The following TARBP1 variants were observed in gnomAD, a reference collection of about 807,000 sequenced individuals.
TARBP1 encodes the protein tRNA guanosine 2 -O-methyltransferase TARBP1.
Under a neutral mutation model 178.6 loss-of-function variants are expected in TARBP1, and 144 were observed. The ratio of observed to expected loss-of-function variants is 0.81; its 90% CI spans 0.70 to 0.93. The LOEUF (loss-of-function observed/expected upper bound fraction) is 0.93, where lower values mean the gene tolerates loss of function less well. Among genes scored for constraint, TARBP1 ranks in the 40% least tolerant of loss-of-function variants. The pLI is 0.00. For synonymous variants in TARBP1, 787 were observed against 781.0 expected (o/e 1.01, Z -0.13); for missense variants, 2,067 against 2,011.7 (o/e 1.03, Z -0.53).
rs568511493 is a variant in TARBP1 at position 234,430,268 on chromosome 1, C to T, written c.2428G>A (p.Val810Met). The T allele has an allele frequency of 1.2e-5, 20 of 1,613,948 alleles. No homozygotes were observed. Among genetic ancestry groups the T allele is most frequent in the Non-Finnish European group, 1.7e-5 (20 of 1,180,028 alleles). ...ACCATGGCCAAGGCAGCCATGCTCA[C>T]TACTCTCTGAATCTGACTTCCAACT... ...PTVGSQIQRV[V>M]SMAALAMVCE... The change falls in exon 15 of 30, where the codon GTG (valine) becomes ATG (methionine). Residue 810 changes from valine to methionine, a missense_variant. By Grantham distance (21) the Val-to-Met change is conservative. Coordinates refer to ENST00000040877, the MANE Select transcript of TARBP1 (RefSeq NM_005646.4).
At chr1:234,429,767 G>C (rs1049876643) in intron 15 of TARBP1, 90 bp from the exon 16 acceptor site, 3 of 132,358 alleles carry the variant, frequency 2.3e-5, no homozygotes, top group Non-Finnish European at 2.5e-5. Context: ...CTAAAGGTGG[G>C]GGGGGGGGGG....
At chr1:234,461,788 G>C (rs975203524) in intron 6 of TARBP1, among the ~76,000 whole-genome samples, 5 of 152,236 alleles carry the variant, frequency 3.3e-5, no homozygotes, top group South Asian at 2.1e-4. Context: ...TCTATTTTGA[G>C]ATACAAAGGG....
intron 2 of TARBP1, 46 bp from the exon 3 acceptor site, chr1:234,471,303 G>A (rs1381281138): frequency 7.7e-7 from 1 of 1,302,252 alleles, no homozygotes; most frequent in Non-Finnish European, 1.1e-6. Context: ...AATGCATCTT[G>A]AAAAATGTCA....
At chr1:234,398,183 C>G in intron 26 of TARBP1, 199 bp downstream of exon 26, 4 of 337,810 alleles carry the variant, frequency 1.2e-5, no homozygotes, top group Admixed American at 9.5e-5. Flanking sequence ...TTTTAAATAG[C>G]TTTAAAGCTA....
chr1:234,463,048 T>G (rs914819018), intron 6 of TARBP1, among the ~76,000 whole-genome samples: 5 of 152,214 alleles, frequency 3.3e-5, no homozygotes, highest in African/African-American at 1.2e-4. Flanking sequence ...CCTACCTCAT[T>G]AGAATGAACA....
chr1:234,462,618 G>C (rs1424071435), intron 6 of TARBP1, among the ~76,000 whole-genome samples: 1 of 151,220 alleles, frequency 6.6e-6, no homozygotes, highest in African/African-American at 2.4e-5. Context: ...GAACCCGGGA[G>C]GCGGAGGTTG....
chr1:234,415,654 C>T (rs1359939870), intron 22 of TARBP1, among the ~76,000 whole-genome samples: 3 of 152,274 alleles, frequency 2.0e-5, no homozygotes, highest in African/African-American at 4.8e-5. Context: ...GAACTTACAA[C>T]TTAGAGAAGC....
In TARBP1 at chr1:234,392,310, T is replaced by C. The variant is rs1310431286; in HGVS notation, c.4697+106A>G. ...GAGATTGTGCCACTACACTCCAGCC[T>C]GGGCTACAGAGTGAGACTCCGTCTC... On this transcript the variant is annotated intron_variant, in intron 29 of 29. Transcript: ENST00000040877. The C allele has an allele frequency of 2.8e-6, 4 of 1,414,700 alleles. No homozygotes were observed. In the Admixed American group the frequency reaches 8.7e-5, roughly 31 times the overall value. 87.6% of individuals were successfully genotyped at this position (1,414,700 alleles called of 1,614,324 possible). A position where few individuals can be genotyped will look rare whatever the true frequency, so the allele number is the denominator to read the frequency against.
chr1:234,421,427 A>AGCTATGGGTTCCAGGG (rs1214303485), intron 20 of TARBP1, among the ~76,000 whole-genome samples: 13 of 152,264 alleles, frequency 8.5e-5, no homozygotes, highest in African/African-American at 2.6e-4. Context: ...AAAAACTGGG[A>AGCTATGGGTTCCAGGG]GCTATGGGTT....
chr1:234,392,436 C>A lies in TARBP1; in HGVS notation c.4677G>T (p.Glu1559Asp), dbSNP rs567916553. ...SLDLTQYCFP[E>D]KSLLLLGNER... ...CTTACCCCAACAAGAGCAGAGATTT[C>A]TCAGGAAAGCAATATTGGGTTAGGT... Residue 1559 changes from glutamate (E) to aspartate (D), a missense_variant, in exon 29 of 30, where the codon GAG becomes GAT. By Grantham distance (45) the Glu-to-Asp change is conservative. Transcript: ENST00000040877. 2.5e-6 allele frequency: 4 copies of A among 1,614,070 alleles called. No homozygotes were observed. Among genetic ancestry groups the A allele is most frequent in the Non-Finnish European group, 2.5e-6 (3 of 1,179,992 alleles).
chr1:234,450,797 G>GATAT (rs747150168), intron 9 of TARBP1, among the ~76,000 whole-genome samples: 3 of 150,150 alleles, frequency 2.0e-5, no homozygotes, highest in Admixed American at 2.0e-4. Flanking sequence ...ATATATGTGA[G>GATAT]ATATATATAT....
At chr1:234,465,177 A>G (rs1309304341) in intron 5 of TARBP1, among the ~76,000 whole-genome samples, 1 of 152,226 alleles carries the variant, frequency 6.6e-6, no homozygotes, top group Non-Finnish European at 1.5e-5. Context: ...AGATGCGCAC[A>G]CAGGGAGAGG....
intron 13 of TARBP1, 36 bp from the exon 14 acceptor site, chr1:234,433,607 A>C: frequency 1.3e-6 from 2 of 1,572,886 alleles, no homozygotes; most frequent in Non-Finnish European, 1.7e-6. Flanking sequence ...GGGTACAAGC[A>C]AGGTCCATGA....
chr1:234,459,811 CAA>C (rs879670903), intron 7 of TARBP1, among the ~76,000 whole-genome samples: 2 of 133,770 alleles, frequency 1.5e-5, no homozygotes, highest in African/African-American at 2.7e-5. Flanking sequence ...GACTCCAGCT[CAA>C]AAAAAAAAAA....
intron 27 of TARBP1, 73 bp downstream of exon 27, chr1:234,393,573 G>A: frequency 6.3e-7 from 1 of 1,577,722 alleles, no homozygotes; most frequent in Non-Finnish European, 8.6e-7. Context: ...AAGCTCCCGT[G>A]GCAGTGGATT....
chr1:234,420,847 T>G, intron 20 of TARBP1, 35 bp from the exon 21 acceptor site: 1 of 1,240,848 alleles, frequency 8.1e-7, no homozygotes, highest in Non-Finnish European at 1.2e-6. Flanking sequence ...AACATTAAAT[T>G]ATCTATTGAA....
intron 9 of TARBP1, among the ~76,000 whole-genome samples, chr1:234,453,102 G>C (rs924111952): frequency 6.6e-6 from 1 of 152,154 alleles, no homozygotes; most frequent in Non-Finnish European, 1.5e-5. Context: ...GGGGCAGTGA[G>C]ACTATTCTGT....
intron 13 of TARBP1, among the ~76,000 whole-genome samples, chr1:234,435,572 G>C (rs2103153969): frequency 6.6e-6 from 1 of 152,312 alleles, no homozygotes; most frequent in Admixed American, 6.5e-5. Flanking sequence ...GAAAACACAA[G>C]AAAGAAGACA....
At chr1:234,459,195 G>C in intron 8 of TARBP1, 35 bp downstream of exon 8, 1 of 1,544,102 alleles carries the variant, frequency 6.5e-7, no homozygotes, top group Admixed American at 1.8e-5. Flanking sequence ...CACTAAGAAA[G>C]ACTTGTAAAT....
Sources: allele counts gnomAD v4.1 joint callset (sites outside exome capture counted in the v4.1 genomes callset), GRCh38; gene constraint gnomAD v4.1.1; transcripts MANE v1.5; gene names NCBI Gene and HGNC (gene_info 2026-07-23, HGNC 2026-07-21).